Variants in SHISA8 observed in about 807,000 individuals in gnomAD.
SHISA8 encodes protein shisa-8.
Under a neutral mutation model 21.1 loss-of-function variants are expected in SHISA8, and 21 were observed. That is an observed-to-expected ratio of 0.99 (90% confidence interval 0.71 to 1.43). The LOEUF is 1.43. Ranked by LOEUF, SHISA8 falls within the 40% of genes most tolerant of loss-of-function variation. The pLI, the probability that SHISA8 is intolerant of heterozygous loss-of-function variation, is 0.00. For synonymous variants in SHISA8, 300 were observed against 291.4 expected, an observed-to-expected ratio of 1.03 and a Z score of -0.30; for missense variants, 535 against 599.1, an observed-to-expected ratio of 0.89 and a Z score of 1.12.
rs1022427418 is a variant in SHISA8, at chr22:41,914,867, G to A, written c.-200C>T. On this transcript the variant is annotated 5_prime_UTR_variant, in exon 1 of 4. Transcript: ENST00000621082. This position sits in a 1 kb window ranked among gnomAD's most constrained non-coding sequence, Gnocchi z 6.8. ...CGCACCTCCGGTGGGCGCGTCCTCC[G>A]CCCGGGCTCACCTCGGACCCGAGCT... is the stretch of plus-strand genomic sequence containing the variant. Among the ~76,000 whole-genome samples the A allele has an allele frequency of 1.7e-4, 25 of 151,284 alleles. No individual in the cohort carries two copies. Among genetic ancestry groups the A allele is most frequent in the African/African-American group, 5.6e-4 (23 of 41,418 alleles).
chr22:41,911,235 G>A lies in SHISA8; in HGVS notation c.645C>T (p.Gly215=), dbSNP rs117492772. The A allele has an allele frequency of 0.074, 94,694 of 1,280,508 alleles. 3,636 individuals carry two copies. The highest frequency in any genetic ancestry group is 0.079 in the Non-Finnish European group (79,984 of 1,014,070). 79.3% of individuals were successfully genotyped at this position (1,280,508 alleles called of 1,614,324 possible). ...QVQMGDGLPR[G]SPHNSADKKR... ...ACTCACCTGCGCTGTTGTGGGGGGA[G>A]CCCCGGGGGAGGCCGTCCCCCATCT... is the stretch of plus-strand genomic sequence containing the variant. The change falls in exon 2 of 4, where the codon GGC becomes GGT. Residue 215 remains glycine, a synonymous_variant. Transcript: ENST00000621082.
intron 1 of SHISA8, among the ~76,000 whole-genome samples, chr22:41,913,850 T>A (rs938278303): frequency 1.1e-4 from 17 of 151,938 alleles, no homozygotes; most frequent in African/African-American, 3.6e-4. Context: ...TGTGCAAGGC[T>A]ACCTGTCCCC....
At position 41,914,701 on chromosome 22, in the gene SHISA8, A is replaced by T; in HGVS notation, c.-34T>A. ...CGCCTCCCGCTACTGCGCCCGGTGC[A>T]TGGCCGGGCGCCGCGGCTCCCTCCG... On this transcript the variant is annotated 5_prime_UTR_variant, in exon 1 of 4. It removes an upstream start codon present in the reference 5' UTR. Transcript: ENST00000621082. The surrounding 1 kb of genome is among the most constrained non-coding windows in gnomAD (Gnocchi z 6.8). 9.9e-7 allele frequency: 1 copy of T among 1,010,170 alleles called. No homozygotes were observed. The highest frequency in any genetic ancestry group is 4.6e-5 in the South Asian group (1 of 21,548). 62.6% of individuals were successfully genotyped at this position (1,010,170 alleles called of 1,614,324 possible). A position where few individuals can be genotyped will look rare whatever the true frequency, so the allele number is the denominator to read the frequency against.
chr22:41,911,721 C>T (rs1436169873), intron 1 of SHISA8, among the ~76,000 whole-genome samples: 1 of 152,152 alleles, frequency 6.6e-6, no homozygotes, highest in Non-Finnish European at 1.5e-5. Context: ...ACCCCATCAG[C>T]GGCCTCCTCC....
chr22:41,914,488 G>T lies in SHISA8; in HGVS notation c.180C>A (p.Cys60Ter). 1 of 1,294,578 alleles carries T rather than the reference G, an allele frequency of 7.7e-7. No homozygotes were observed. Among genetic ancestry groups the T allele is most frequent in the Non-Finnish European group, 9.8e-7 (1 of 1,018,506 alleles). 80.2% of individuals were successfully genotyped at this position (1,294,578 alleles called of 1,614,324 possible). Residue 60 changes from cysteine to a stop codon, truncating the protein, a stop_gained, in exon 1 of 4, where the codon TGC (cysteine) becomes TGA (stop). Transcript: ENST00000621082. LOFTEE classifies it high-confidence loss of function. This position sits in a 1 kb window ranked among gnomAD's most constrained non-coding sequence, Gnocchi z 6.8. ...GTTAPEGGDR[C>*]RGYYDVMGQW... ...GGCCCATCACGTCGTAGTAGCCGCG[G>T]CAGCGGTCGCCCCCCTCCGGGGCTG...
chr22:41,910,467 G>A lies in SHISA8; in HGVS notation c.752C>T (p.Thr251Met). 4 of 1,298,090 alleles carry A rather than the reference G, an allele frequency of 3.1e-6. No individual in the cohort carries two copies. Among genetic ancestry groups the A allele is most frequent in the South Asian group, 5.0e-5 (2 of 40,340 alleles). 80.4% of individuals were successfully genotyped at this position (1,298,090 alleles called of 1,614,324 possible). Residue 251 changes from threonine (T) to methionine (M), a missense_variant, in exon 3 of 4, where the codon ACG becomes ATG. Physicochemically the swap from Thr to Met is moderately conservative, Grantham distance 81 (BLOSUM62 -1). Coordinates refer to ENST00000621082, the MANE Select transcript of SHISA8 (RefSeq NM_001207020.3). This position sits in a 1 kb window ranked among gnomAD's most constrained non-coding sequence, Gnocchi z 6.8. Reference sequence around the variant, plus strand: ...GTACTTGGCGTAGTCTGGCTGCAGCGTCAGGCTGCCGCCGCCCTGCAGCCG... The same window carrying A: ...GTACTTGGCGTAGTCTGGCTGCAGCATCAGGCTGCCGCCGCCCTGCAGCCG... ...GPRLQGGGSL[T>M]LQPDYAKYAT...
Position 41,910,051 on chromosome 22 carries a change from G to T in SHISA8, c.908C>A (p.Pro303His). Residue 303 changes from proline (P) to histidine (H), a missense_variant, in exon 4 of 4, where the codon CCT (proline) becomes CAT (histidine). Pro to His is a moderately conservative substitution (Grantham distance 77). Coordinates refer to ENST00000621082, the MANE Select transcript of SHISA8 (RefSeq NM_001207020.3). This position sits in a 1 kb window ranked among gnomAD's most constrained non-coding sequence, Gnocchi z 6.8. ...ARAPRPSPDL[P>H]APLDACPWAP... is the part of the protein sequence containing the mutation. ...CCAGGGGCAGGCGTCCAGCGGCGCAGGCAAGTCCGGGGATGGTCGCGGAGC... is the reference window on the plus strand; with the variant it reads ...CCAGGGGCAGGCGTCCAGCGGCGCATGCAAGTCCGGGGATGGTCGCGGAGC... The T allele has an allele frequency of 8.0e-7, 1 of 1,254,770 alleles. No individual in the cohort carries two copies. Among genetic ancestry groups the T allele is most frequent in the Admixed American group, 4.2e-5 (1 of 23,530 alleles). 77.7% of individuals were successfully genotyped at this position (1,254,770 alleles called of 1,614,324 possible). A position where few individuals can be genotyped will look rare whatever the true frequency, so the allele number is the denominator to read the frequency against.
At position 41,914,135 on chromosome 22, in the gene SHISA8, C is replaced by T. The variant is rs2077568876; in HGVS notation, c.530+3G>A. 2 of 1,420,624 alleles carry T rather than the reference C, an allele frequency of 1.4e-6. No homozygotes were observed. The highest frequency in any genetic ancestry group is 3.2e-5 in the Admixed American group (1 of 31,642). The allele number at this position is 1,420,624 out of a possible 1,614,324, so 88.0% of individuals were successfully genotyped here. A position where few individuals can be genotyped will look rare whatever the true frequency, so the allele number is the denominator to read the frequency against. On this transcript the variant is annotated splice_donor_region_variant and intron_variant, in intron 1 of 3. Transcript: ENST00000621082. This position sits in a 1 kb window ranked among gnomAD's most constrained non-coding sequence, Gnocchi z 6.8. ...CGGGGGTCCCTGGGCGGCGCGTGCTCACCTGGTCACTGTGCGCCGCGCGCG... is the reference window on the plus strand; with the variant it reads ...CGGGGGTCCCTGGGCGGCGCGTGCTTACCTGGTCACTGTGCGCCGCGCGCG...
intron 1 of SHISA8, among the ~76,000 whole-genome samples, 199 bp from the exon 2 acceptor site, chr22:41,911,548 C>CT (rs1227983755): frequency 6.6e-6 from 1 of 152,214 alleles, no homozygotes; most frequent in East Asian, 1.9e-4. Flanking sequence ...AAGACAGCTG[C>CT]TTCCCAGAGC....
rs2077576697 is a variant in SHISA8 at position 41,914,757 on chromosome 22, G to A, written c.-90C>T. 3.2e-6 allele frequency: 3 copies of A among 923,612 alleles called. No homozygotes were observed. Among genetic ancestry groups the A allele is most frequent in the Non-Finnish European group, 3.9e-6 (3 of 772,152 alleles). The allele number at this position is 923,612 out of a possible 1,614,324, so 57.2% of individuals were successfully genotyped here. A position where few individuals can be genotyped will look rare whatever the true frequency, so the allele number is the denominator to read the frequency against. ...GCTCCTCCGCTCCCGCAGGGATCGC[G>A]CTGGCTCCCGGCGCACGCCGCCTCG... On this transcript the variant is annotated 5_prime_UTR_variant, in exon 1 of 4. Transcript: ENST00000621082. This position sits in a 1 kb window ranked among gnomAD's most constrained non-coding sequence, Gnocchi z 6.8.
At chr22:41,913,582 C>A (rs1032403327) in intron 1 of SHISA8, among the ~76,000 whole-genome samples, 3 of 152,180 alleles carry the variant, frequency 2.0e-5, no homozygotes, top group Non-Finnish European at 2.9e-5. Context: ...GCAGAGGGAG[C>A]CCTGACCTTC....
At chr22:41,912,640 G>A (rs1602364616) in intron 1 of SHISA8, among the ~76,000 whole-genome samples, 1 of 152,286 alleles carries the variant, frequency 6.6e-6, no homozygotes, top group East Asian at 1.9e-4. Flanking sequence ...ACAGCAGAAT[G>A]AAGGGTGAGA....
In SHISA8 at chr22:41,910,700, T is replaced by G; in HGVS notation, c.665-146A>C. On this transcript the variant is annotated intron_variant, in intron 2 of 3. Transcript: ENST00000621082. The surrounding 1 kb of genome is among the most constrained non-coding windows in gnomAD (Gnocchi z 6.8). Reference sequence around the variant, plus strand: ...GGCGAGGCTGCGAGCCAAGCCTGTCTTCGCCGCAGCCTCCAGCGCCTGGAA... The same window carrying G: ...GGCGAGGCTGCGAGCCAAGCCTGTCGTCGCCGCAGCCTCCAGCGCCTGGAA... 1 of 1,035,056 alleles carries G rather than the reference T, an allele frequency of 9.7e-7. No homozygotes were observed. 64.1% of individuals were successfully genotyped at this position (1,035,056 alleles called of 1,614,324 possible). A position where few individuals can be genotyped will look rare whatever the true frequency, so the allele number is the denominator to read the frequency against.
rs2077543700 is a variant in SHISA8, at chr22:41,910,516, C to T, written c.703G>A (p.Ala235Thr). 5 of 1,252,494 alleles carry T rather than the reference C, an allele frequency of 4.0e-6. No individual in the cohort carries two copies. In the South Asian group the frequency reaches 1.1e-4, roughly 27 times the overall value. The allele number at this position is 1,252,494 out of a possible 1,614,324, so 77.6% of individuals were successfully genotyped here. The change falls in exon 3 of 4, where the codon GCC becomes ACC. Residue 235 changes from alanine to threonine, a missense_variant. Physicochemically the swap from Ala to Thr is moderately conservative, Grantham distance 58. Transcript: ENST00000621082. This position sits in a 1 kb window ranked among gnomAD's most constrained non-coding sequence, Gnocchi z 6.8. ...CGCGGGCCGCGCGGGGGCCCCGGGG[C>T]GGCCGACCCCCGGGGCGCGTTGTTG... Reference protein sequence around the residue: ...RLNNAPRGSAAPGPPRGPRLQ... With the variant: ...RLNNAPRGSATPGPPRGPRLQ...
In SHISA8 at chr22:41,910,409, TGCGGCCTTGAGCGCG is replaced by T. The variant is rs1015928793; in HGVS notation, c.795_809del (p.Ala266_Ala270del). 15 of 1,347,956 alleles carry T rather than the reference TGCGGCCTTGAGCGCG, an allele frequency of 1.1e-5. No homozygotes were observed. Among genetic ancestry groups the T allele is most frequent in the African/African-American group, 7.6e-5 (5 of 65,458 alleles). 83.5% of individuals were successfully genotyped at this position (1,347,956 alleles called of 1,614,324 possible). A position where few individuals can be genotyped will look rare whatever the true frequency, so the allele number is the denominator to read the frequency against. On this transcript the variant is annotated inframe_deletion and splice_region_variant, in exon 3 of 4. Coordinates refer to ENST00000621082, the MANE Select transcript of SHISA8 (RefSeq NM_001207020.3). The surrounding 1 kb of genome is among the most constrained non-coding windows in gnomAD (Gnocchi z 6.8). Reference sequence around the variant, plus strand: ...ACGCTGCCCGCACCCGCCACTCACCTGCGGCCTTGAGCGCGGCGGCCTTGAACGTGGCGTACTTGG... The same window carrying T: ...ACGCTGCCCGCACCCGCCACTCACCTGCGGCCTTGAACGTGGCGTACTTGG...
rs1255742072 is a variant in SHISA8, at chr22:41,909,948, G to C, written c.1011C>G (p.Ala337=). Residue 337 remains alanine (A), a synonymous_variant, in exon 4 of 4, where the codon GCC becomes GCG. Coordinates refer to ENST00000621082, the MANE Select transcript of SHISA8 (RefSeq NM_001207020.3). ...CCCGAGCCGTCGGGTGGCTGAGCGG[G>C]GCGGGCCGGGCCGGGCGACTGGAGG... ...AWTSSRPARP[A]PLSHPTARAF... is the part of the protein sequence containing the mutation. The C allele has an allele frequency of 6.7e-7, 1 of 1,489,432 alleles. No homozygotes were observed. Among genetic ancestry groups the C allele is most frequent in the Non-Finnish European group, 8.9e-7 (1 of 1,126,442 alleles). The allele number at this position is 1,489,432 out of a possible 1,614,324, so 92.3% of individuals were successfully genotyped here.
Position 41,914,067 on chromosome 22 carries a change from G to A in SHISA8, c.530+71C>T. 1 of 1,296,660 alleles carries A rather than the reference G, an allele frequency of 7.7e-7. No individual in the cohort carries two copies. The highest frequency in any genetic ancestry group is 9.8e-7 in the Non-Finnish European group (1 of 1,020,756). 80.3% of individuals were successfully genotyped at this position (1,296,660 alleles called of 1,614,324 possible). A position where few individuals can be genotyped will look rare whatever the true frequency, so the allele number is the denominator to read the frequency against. On this transcript the variant is annotated intron_variant, in intron 1 of 3. Coordinates refer to ENST00000621082, the MANE Select transcript of SHISA8 (RefSeq NM_001207020.3). This position sits in a 1 kb window ranked among gnomAD's most constrained non-coding sequence, Gnocchi z 6.8. ...TGGGAGAACCAGCGCTTCGAGAGCG[G>A]CGGGAAGGATCAGCGGGCAGGGAGA... is the stretch of plus-strand genomic sequence containing the variant.
At position 41,913,490 on chromosome 22, in the gene SHISA8, A is replaced by G. The variant is rs527459010; in HGVS notation, c.530+648T>C. ...AGGGGACCTGGACCCTGTAGTGCCC[A>G]CTTCACACCAAGCTCAGAATGCAAC... On this transcript the variant is annotated intron_variant, in intron 1 of 3. Transcript: ENST00000621082. Among the ~76,000 whole-genome samples, 6 of 152,292 alleles carry G rather than the reference A, an allele frequency of 3.9e-5. No homozygotes were observed. In the South Asian group the frequency reaches 1.2e-3, roughly 32 times the overall value.
Position 41,915,051 on chromosome 22 carries a change from C to T in SHISA8, c.-384G>A, listed in dbSNP as rs891595170. Among the ~76,000 whole-genome samples, 19 of 152,026 alleles carry T rather than the reference C, an allele frequency of 1.2e-4. No homozygotes were observed. The highest frequency in any genetic ancestry group is 6.2e-4 in the South Asian group (3 of 4,828). On this transcript the variant is annotated 5_prime_UTR_variant, in exon 1 of 4. Transcript: ENST00000621082. The surrounding 1 kb of genome is among the most constrained non-coding windows in gnomAD (Gnocchi z 5.0). ...GCCCGACTGCGCTACCTTCCCGCCGCGCTCTCAGTACAGCCCGCGCTCTGG... is the reference window on the plus strand; with the variant it reads ...GCCCGACTGCGCTACCTTCCCGCCGTGCTCTCAGTACAGCCCGCGCTCTGG...
Sources: gnomAD v4.1 joint callset for allele counts (sites outside exome capture counted in the v4.1 genomes callset) on GRCh38, gnomAD v4.1.1 for gene constraint, Gnocchi (gnomAD v3.1) non-coding constraint, MANE v1.5 for transcripts, NCBI Gene and HGNC (gene_info 2026-07-23, HGNC 2026-07-21) for gene names.